The following EPM2A variants were observed in gnomAD, a reference collection of about 807,000 sequenced individuals.
EPM2A encodes EPM2A glucan phosphatase, laforin.
EPM2A carries 21 observed loss-of-function variants against 26.5 expected under a neutral mutation model. The observed-to-expected ratio is 0.79, with a 90% CI of 0.56 to 1.14. The LOEUF (loss-of-function observed/expected upper bound fraction) is 1.14, where lower values mean the gene tolerates loss of function less well. Among genes scored for constraint, EPM2A ranks in the 50% most tolerant of loss-of-function variants. The pLI is 0.00. For synonymous variants in EPM2A, 217 were observed against 177.6 expected (o/e 1.22, Z -1.76); for missense variants, 458 against 440.8 (o/e 1.04, Z -0.35).
At chr6:145,583,008 C>G (rs1296492520) in intron 2 of EPM2A, among the ~76,000 whole-genome samples, 1 of 152,104 alleles carries the variant, frequency 6.6e-6, no homozygotes, top group Non-Finnish European at 1.5e-5. Flanking sequence ...TTTATTGGAT[C>G]AGTTTGATGG....
chr6:145,389,700 T>C (rs567104643), intron 4 of EPM2A, among the ~76,000 whole-genome samples: 2 of 152,314 alleles, frequency 1.3e-5, no homozygotes, highest in South Asian at 4.1e-4. Flanking sequence ...CCTTATTCTG[T>C]GAAGTTTCCT....
intron 2 of EPM2A, among the ~76,000 whole-genome samples, chr6:145,560,188 G>C (rs2114813441): frequency 6.6e-6 from 1 of 152,170 alleles, no homozygotes; most frequent in East Asian, 1.9e-4. Flanking sequence ...TTGCCTCAAT[G>C]ATAATTCTCC....
chr6:145,419,179 GT>G (rs369673284), intron 4 of EPM2A, among the ~76,000 whole-genome samples: 79,734 of 135,912 alleles, frequency 0.59, 26,319 homozygotes, highest in Middle Eastern at 0.72. Context: ...TCTGTTAAAT[GT>G]CCCCCCCCCC....
At chr6:145,600,958 C>T (rs978844787) in intron 2 of EPM2A, among the ~76,000 whole-genome samples, 1 of 152,208 alleles carries the variant, frequency 6.6e-6, no homozygotes, top group Non-Finnish European at 1.5e-5. Flanking sequence ...GTACCCTTTC[C>T]AATGAGATCT....
At chr6:145,452,550 T>C (rs1779211153) in intron 4 of EPM2A, among the ~76,000 whole-genome samples, 1 of 140,590 alleles carries the variant, frequency 7.1e-6, no homozygotes, top group Non-Finnish European at 1.5e-5. Context: ...CGGGCGCCTG[T>C]AGTCCCAGCT....
chr6:145,600,967 C>G (rs1781409708), intron 2 of EPM2A, among the ~76,000 whole-genome samples: 1 of 152,232 alleles, frequency 6.6e-6, no homozygotes, highest in African/African-American at 2.4e-5. Flanking sequence ...CCAATGAGAT[C>G]TGAATCTCTC....
chr6:145,628,169 A>G (rs930880175), intron 3 of EPM2A: 3 of 189,244 alleles, frequency 1.6e-5, no homozygotes, highest in African/African-American at 7.1e-5. Flanking sequence ...AAAGGAATCA[A>G]TCTGTTCATT....
At chr6:145,642,502 G>C (rs1319721317) in intron 2 of EPM2A, among the ~76,000 whole-genome samples, 1 of 152,152 alleles carries the variant, frequency 6.6e-6, no homozygotes, top group Non-Finnish European at 1.5e-5. Context: ...GCAAGACAAA[G>C]TATGCCTTCA....
intron 2 of EPM2A, among the ~76,000 whole-genome samples, chr6:145,504,091 A>G (rs1779934805): frequency 2.2e-5 from 3 of 138,522 alleles, no homozygotes; most frequent in African/African-American, 8.0e-5. Flanking sequence ...ACAAAAATCA[A>G]TTCAAGATGG....
At chr6:145,512,987 G>T (rs1228256620) in intron 2 of EPM2A, among the ~76,000 whole-genome samples, 1 of 151,990 alleles carries the variant, frequency 6.6e-6, no homozygotes, top group Admixed American at 6.6e-5. Context: ...AAACTCTTCT[G>T]GACATCGGCC....
chr6:145,615,892 C>T (rs889257073), intron 2 of EPM2A, among the ~76,000 whole-genome samples: 13 of 152,126 alleles, frequency 8.5e-5, no homozygotes, highest in Middle Eastern at 3.4e-3. Flanking sequence ...AGATGTGACT[C>T]GGGTGCTGTT....
At chr6:145,667,364 A>T (rs1779284124) in intron 2 of EPM2A, among the ~76,000 whole-genome samples, 1 of 146,468 alleles carries the variant, frequency 6.8e-6, no homozygotes, top group Non-Finnish European at 1.5e-5. Flanking sequence ...GGACATGAAC[A>T]GACACTTCTC....
chr6:145,441,106 A>T (rs1467809789), intron 4 of EPM2A, among the ~76,000 whole-genome samples: 1 of 152,164 alleles, frequency 6.6e-6, no homozygotes, highest in African/African-American at 2.4e-5. Flanking sequence ...AGGCATTTCC[A>T]TACATCCCCT....
At chr6:145,407,434 A>G (rs1373407883) in intron 4 of EPM2A, among the ~76,000 whole-genome samples, 1 of 152,126 alleles carries the variant, frequency 6.6e-6, no homozygotes, top group African/African-American at 2.4e-5. Context: ...TAATATTTCA[A>G]AGGGTTATCT....
intron 4 of EPM2A, among the ~76,000 whole-genome samples, chr6:145,492,691 G>A (rs916156555): frequency 1.3e-5 from 2 of 152,200 alleles, no homozygotes; most frequent in African/African-American, 4.8e-5. Flanking sequence ...TTTCCAGGGA[G>A]GACCGGATTT....
rs951254850 is a variant in EPM2A at position 145,735,430 on chromosome 6, C to A, written c.69G>T (p.Val23=). The A allele has an allele frequency of 4.8e-6, 6 of 1,257,628 alleles. No individual in the cohort carries two copies. The African/African-American group carries it at 6.3e-5, about 13-fold the overall frequency. The allele number at this position is 1,257,628 out of a possible 1,614,324, so 77.9% of individuals were successfully genotyped here. ...AACGCCCCAGCTCGGGCCGCGACCC[C>A]ACCACCAGCAGCTCCGGCCGGGCGC... ...VAGARPELLV[V]GSRPELGRWE... The change falls in exon 1 of 4, where the codon GTG becomes GTT. Residue 23 remains valine, a synonymous_variant. Transcript: ENST00000367519.
At chr6:145,646,682 T>C (rs1292336) in intron 2 of EPM2A, among the ~76,000 whole-genome samples, 81,425 of 151,626 alleles carry the variant, frequency 0.54, 22,316 homozygotes, top group East Asian at 0.67. Context: ...CTCCTAGATA[T>C]CTCACTGACA....
At chr6:145,688,741 C>T (rs1271695246) in intron 1 of EPM2A, among the ~76,000 whole-genome samples, 2 of 151,734 alleles carry the variant, frequency 1.3e-5, no homozygotes, top group Non-Finnish European at 1.5e-5. Context: ...TAACAGCCAG[C>T]GAGAGAAGGA....
intron 2 of EPM2A, among the ~76,000 whole-genome samples, chr6:145,527,707 G>GT (rs533826894): frequency 1.4e-3 from 209 of 152,136 alleles, no homozygotes; most frequent in African/African-American, 4.7e-3. Context: ...AGAAGGATGG[G>GT]TTTTGTTTTG....
Sources: allele counts gnomAD v4.1 joint callset (sites outside exome capture counted in the v4.1 genomes callset), GRCh38; gene constraint gnomAD v4.1.1; transcripts MANE v1.5; gene names NCBI Gene and HGNC (gene_info 2026-07-23, HGNC 2026-07-21).